The following ELAPOR1 variants were observed in gnomAD, a reference collection of about 807,000 sequenced individuals.
ELAPOR1 encodes endosome/lysosome-associated apoptosis and autophagy regulator 1.
ELAPOR1 carries 77 observed loss-of-function variants against 119.7 expected under a neutral mutation model. That is an observed-to-expected ratio of 0.64 (90% confidence interval 0.54 to 0.78). The LOEUF (loss-of-function observed/expected upper bound fraction) is 0.78. Ranked by LOEUF, ELAPOR1 falls within the 30% of genes least tolerant of loss-of-function variation. The pLI, the probability that ELAPOR1 is intolerant of heterozygous loss-of-function variation, is 0.00. For synonymous variants in ELAPOR1, 481 were observed against 487.2 expected (o/e 0.99, Z 0.17); for missense variants, 1,115 against 1,270.4 (o/e 0.88, Z 1.86).
chr1:109,173,248 A>G (rs1022475805), intron 5 of ELAPOR1, among the ~76,000 whole-genome samples: 3 of 152,102 alleles, frequency 2.0e-5, no homozygotes, highest in African/African-American at 7.2e-5. Context: ...TGCTCATGGT[A>G]TATATGATCC....
In ELAPOR1 at chr1:109,148,670, A is replaced by G. The variant is rs140455303; in HGVS notation, c.154-13224A>G. On this transcript the variant is annotated intron_variant, in intron 1 of 21. Transcript: ENST00000369939. Reference sequence around the variant, plus strand: ...CCGCCAGGTTCTCTCCATCACAGACAGCTAACATATCCAAACAAGCAATGT... The same window carrying G: ...CCGCCAGGTTCTCTCCATCACAGACGGCTAACATATCCAAACAAGCAATGT... 1.5e-3 allele frequency among the ~76,000 whole-genome samples: 233 copies of G among 152,356 alleles called. 2 individuals carry two copies. The East Asian group carries it at 0.04, about 26-fold the overall frequency.
chr1:109,144,201 A>G (rs757091303), intron 1 of ELAPOR1, among the ~76,000 whole-genome samples: 7 of 150,538 alleles, frequency 4.6e-5, no homozygotes, highest in Non-Finnish European at 1.0e-4. Context: ...CTGGGATTAC[A>G]GGCATGTGCC....
Position 109,197,613 on chromosome 1 carries a change from G to T in ELAPOR1, c.2261G>T (p.Gly754Val), listed in dbSNP as rs1471775147. 1.9e-6 allele frequency: 3 copies of T among 1,614,182 alleles called. No homozygotes were observed. The highest frequency in any genetic ancestry group is 2.5e-6 in the Non-Finnish European group (3 of 1,180,030). ...CCAGAGGTGACAGGCTACAAGGCCG[G>T]GGTTTCCTCACAGCCTGTCAGCCTT... Reference protein sequence around the residue: ...IPPEVTGYKAGVSSQPVSLAD... With the variant: ...IPPEVTGYKAVVSSQPVSLAD... The change falls in exon 16 of 22, where the codon GGG becomes GTG. Residue 754 changes from glycine to valine, a missense_variant. Transcript: ENST00000369939.
chr1:109,167,111 G>GACAACCAA (rs1190340689), intron 3 of ELAPOR1, among the ~76,000 whole-genome samples: 3 of 152,204 alleles, frequency 2.0e-5, no homozygotes, highest in Non-Finnish European at 4.4e-5. Context: ...TGTGGGTTAA[G>GACAACCAA]ACAACCAACT....
At chr1:109,119,583 G>A (rs977273128) in intron 1 of ELAPOR1, among the ~76,000 whole-genome samples, 1 of 150,820 alleles carries the variant, frequency 6.6e-6, no homozygotes, top group East Asian at 1.9e-4. Context: ...TGTATATAGA[G>A]TTATAACATT....
chr1:109,200,598 T>C (rs1202628945), intron 20 of ELAPOR1, 137 bp from the exon 21 acceptor site: 1 of 778,806 alleles, frequency 1.3e-6, no homozygotes, highest in Non-Finnish European at 2.0e-6. Context: ...ACCCCAGCCC[T>C]GACACCATTT....
chr1:109,192,516 G>A, intron 13 of ELAPOR1, 95 bp from the exon 14 acceptor site: 2 of 1,283,668 alleles, frequency 1.6e-6, no homozygotes, highest in Non-Finnish European at 2.2e-6. Flanking sequence ...AGTATCACAG[G>A]ATAGAAGATT....
At chr1:109,152,598 A>C (rs1650600958) in intron 1 of ELAPOR1, among the ~76,000 whole-genome samples, 1 of 152,102 alleles carries the variant, frequency 6.6e-6, no homozygotes, top group Non-Finnish European at 1.5e-5. Context: ...ATTTATCAAA[A>C]TTGTGGAGTT....
Position 109,154,256 on chromosome 1 carries a change from G to A in ELAPOR1, c.154-7638G>A, listed in dbSNP as rs1392093720. Among the ~76,000 whole-genome samples the A allele has an allele frequency of 2.0e-5, 3 of 146,516 alleles. No homozygotes were observed. The East Asian group carries it at 6.0e-4, about 29-fold the overall frequency. ...AGATTGCACCACTGCACTCCAGCCT[G>A]GGCAACAAGAGCGAAACTCCGTCTC... On this transcript the variant is annotated intron_variant, in intron 1 of 21. Coordinates refer to ENST00000369939, the MANE Select transcript of ELAPOR1 (RefSeq NM_020775.5).
At chr1:109,184,420 G>A (rs1652926348) in intron 7 of ELAPOR1, among the ~76,000 whole-genome samples, 1 of 152,222 alleles carries the variant, frequency 6.6e-6, no homozygotes, top group African/African-American at 2.4e-5. Context: ...GTTGAGGCAA[G>A]TGGGAAGAAC....
chr1:109,177,155 G>C (rs1490451586), intron 7 of ELAPOR1, among the ~76,000 whole-genome samples: 3 of 149,472 alleles, frequency 2.0e-5, no homozygotes, highest in Admixed American at 6.6e-5. Context: ...CCGGGCAGAG[G>C]GGCTCCTCAC....
At chr1:109,172,596 A>G (rs1371857231) in intron 5 of ELAPOR1, 28 bp downstream of exon 5, 1 of 1,577,938 alleles carries the variant, frequency 6.3e-7, no homozygotes, top group Non-Finnish European at 8.7e-7. Flanking sequence ...CTTCTCCCAG[A>G]GATCCCAGAA....
intron 13 of ELAPOR1, among the ~76,000 whole-genome samples, chr1:109,192,196 A>G (rs1436305014): frequency 6.6e-6 from 1 of 152,246 alleles, no homozygotes; most frequent in Non-Finnish European, 1.5e-5. Flanking sequence ...TGCAGAAGAC[A>G]CAGAAAATAA....
Position 109,164,575 on chromosome 1 carries a change from C to T in ELAPOR1, c.351C>T (p.Ser117=), listed in dbSNP as rs1651465573. The change falls in exon 3 of 22, where the codon TCC becomes TCT. Residue 117 remains serine, a synonymous_variant. Transcript: ENST00000369939. The part of the protein sequence containing the change: ...SCKPCAEGRY[S]LGTGIRFDEW... ...AGCCATGCGCTGAGGGCCGCTACTC[C>T]CTCGGCACAGGCATTCGGTTTGATG... The T allele has an allele frequency of 6.2e-7, 1 of 1,614,246 alleles. No homozygotes were observed. The highest frequency in any genetic ancestry group is 8.5e-7 in the Non-Finnish European group (1 of 1,180,042).
chr1:109,121,209 T>A (rs1356997907), intron 1 of ELAPOR1, among the ~76,000 whole-genome samples: 1 of 152,164 alleles, frequency 6.6e-6, no homozygotes, highest in Non-Finnish European at 1.5e-5. Flanking sequence ...TCCAGTGGCG[T>A]GATCTCGGCT....
At chr1:109,148,850 T>G (rs1290071736) in intron 1 of ELAPOR1, among the ~76,000 whole-genome samples, 1 of 152,240 alleles carries the variant, frequency 6.6e-6, no homozygotes, top group Non-Finnish European at 1.5e-5. Context: ...AGCCCTGCCT[T>G]GTAGACAGAT....
In ELAPOR1 at chr1:109,161,970, G is replaced by A. The variant is rs752030095; in HGVS notation, c.230G>A (p.Gly77Asp). The A allele has an allele frequency of 1.9e-6, 3 of 1,613,800 alleles. No individual in the cohort carries two copies. Among genetic ancestry groups the A allele is most frequent in the East Asian group, 4.5e-5 (2 of 44,894 alleles). Reference sequence around the variant, plus strand: ...AGGGTCGCCGTGCCGCATACCCCGGGCCTGTGCACCAGCCTGCCTGACCCC... The same window carrying A: ...AGGGTCGCCGTGCCGCATACCCCGGACCTGTGCACCAGCCTGCCTGACCCC... ...RWRVAVPHTPGLCTSLPDPIK... is the reference protein window; with the variant it reads ...RWRVAVPHTPDLCTSLPDPIK... Residue 77 changes from glycine (G) to aspartate (D), a missense_variant, in exon 2 of 22, where the codon GGC becomes GAC. Physicochemically the swap from Gly to Asp is moderately conservative, Grantham distance 94. Transcript: ENST00000369939.
rs567501520 is a variant in ELAPOR1, at chr1:109,157,463, T to C, written c.154-4431T>C. ...GCACATGGGGAAAAGGCACTCCCTC[T>C]CTGGGCAGATGCAACACCTGAATAG... is the stretch of plus-strand genomic sequence containing the variant. On this transcript the variant is annotated intron_variant, in intron 1 of 21. Transcript: ENST00000369939. 1.5e-4 allele frequency among the ~76,000 whole-genome samples: 23 copies of C among 152,304 alleles called. 2 individuals are homozygous for C. Among genetic ancestry groups the C allele is most frequent in the Middle Eastern group, 3.4e-3 (1 of 294 alleles).
chr1:109,151,872 C>T (rs1225461513), intron 1 of ELAPOR1, among the ~76,000 whole-genome samples: 1 of 121,130 alleles, frequency 8.3e-6, no homozygotes, highest in Non-Finnish European at 1.7e-5. Flanking sequence ...CAGCCTCATC[C>T]TTTTTTTTTT....
Sources: allele counts gnomAD v4.1 joint callset (sites outside exome capture counted in the v4.1 genomes callset), GRCh38; gene constraint gnomAD v4.1.1; transcripts MANE v1.5; gene names NCBI Gene and HGNC (gene_info 2026-07-23, HGNC 2026-07-21).